GPATCH8: variants seen among roughly 807,000 people sequenced by gnomAD.
The protein encoded by GPATCH8 is G patch domain-containing protein 8.
In GPATCH8, 18 loss-of-function variants were observed where a neutral mutation model predicts 118.3. That is an observed-to-expected ratio of 0.15 (90% confidence interval 0.11 to 0.23). The LOEUF (loss-of-function observed/expected upper bound fraction) is 0.23. Ranked by LOEUF, GPATCH8 falls within the 10% of genes least tolerant of loss-of-function variation. GPATCH8 has a pLI of 1.00. For missense variants in GPATCH8, 1,631 were observed against 1,873.8 expected (o/e 0.87, Z 2.39); for synonymous variants, 659 against 684.7 (o/e 0.96, Z 0.59).
At chr17:44,416,505 T>G (rs1469069131) in intron 6 of GPATCH8, among the ~76,000 whole-genome samples, 3 of 152,254 alleles carry the variant, frequency 2.0e-5, no homozygotes, top group East Asian at 1.9e-4. Context: ...GAAAATGGTA[T>G]GAACAGTGGT....
chr17:44,427,102 G>A (rs536086741), intron 5 of GPATCH8, among the ~76,000 whole-genome samples: 65 of 150,102 alleles, frequency 4.3e-4, no homozygotes, highest in South Asian at 1.3e-3. Flanking sequence ...TTGAGACAGC[G>A]TCTTGCTCTA....
intron 6 of GPATCH8, among the ~76,000 whole-genome samples, chr17:44,420,041 T>A (rs910337687): frequency 6.6e-6 from 1 of 151,562 alleles, no homozygotes; most frequent in East Asian, 1.9e-4. Context: ...CTACATGGTT[T>A]TTTTTTTTTT....
At chr17:44,490,799 G>A (rs1969187921) in intron 1 of GPATCH8, among the ~76,000 whole-genome samples, 1 of 152,146 alleles carries the variant, frequency 6.6e-6, no homozygotes, top group African/African-American at 2.4e-5. Flanking sequence ...TGCTCTGCAT[G>A]TTATTAAAAT....
At chr17:44,503,296 C>A in intron 1 of GPATCH8, 30 bp downstream of exon 1, 1 of 1,592,864 alleles carries the variant, frequency 6.3e-7, no homozygotes, top group South Asian at 1.1e-5. Flanking sequence ...CCAGCGCCTT[C>A]CCCGCATCCT....
At chr17:44,444,823 T>C (rs1218159678) in intron 3 of GPATCH8, among the ~76,000 whole-genome samples, 1 of 152,208 alleles carries the variant, frequency 6.6e-6, no homozygotes, top group Non-Finnish European at 1.5e-5. Flanking sequence ...GTTTTACTTA[T>C]GTTTATATCC....
At chr17:44,501,234 C>G (rs1004867056) in intron 1 of GPATCH8, among the ~76,000 whole-genome samples, 3 of 151,864 alleles carry the variant, frequency 2.0e-5, no homozygotes, top group African/African-American at 7.3e-5. Context: ...CTGGCCAATA[C>G]GGTGAAACCC....
chr17:44,499,795 T>C (rs775040432), intron 1 of GPATCH8, among the ~76,000 whole-genome samples: 6 of 151,948 alleles, frequency 3.9e-5, no homozygotes, highest in Non-Finnish European at 5.9e-5. Context: ...AGAAGTAATA[T>C]CTCATTCAGA....
At chr17:44,444,704 C>G (rs2050813966) in intron 3 of GPATCH8, among the ~76,000 whole-genome samples, 1 of 151,214 alleles carries the variant, frequency 6.6e-6, no homozygotes, top group Non-Finnish European at 1.5e-5. Flanking sequence ...AACTGGGAGG[C>G]AGAAGTTGCA....
At chr17:44,496,502 AACTTCATGAGATGAG>A (rs1350395110) in intron 1 of GPATCH8, among the ~76,000 whole-genome samples, 1 of 152,220 alleles carries the variant, frequency 6.6e-6, no homozygotes, top group Non-Finnish European at 1.5e-5. Context: ...AAACAACTGG[AACTTCATGAGATGAG>A]ACCAAATGCG....
intron 3 of GPATCH8, among the ~76,000 whole-genome samples, chr17:44,455,167 A>T (rs2051279527): frequency 6.6e-6 from 1 of 152,226 alleles, no homozygotes; most frequent in Admixed American, 6.5e-5. Context: ...TTTGAATGGC[A>T]GACCCTCGGT....
At chr17:44,482,536 T>C (rs1203476785) in intron 1 of GPATCH8, among the ~76,000 whole-genome samples, 1 of 141,546 alleles carries the variant, frequency 7.1e-6, no homozygotes, top group Admixed American at 7.5e-5. Context: ...ATCACACCAC[T>C]GCACTTCAGC....
rs577671455 is a variant in GPATCH8, at chr17:44,484,968, T to C, written c.46-10065A>G. Among the ~76,000 whole-genome samples the C allele has an allele frequency of 5.9e-5, 9 of 151,354 alleles. No individual in the cohort carries two copies. In the South Asian group the frequency reaches 1.0e-3, roughly 18 times the overall value. Reference sequence around the variant, plus strand: ...CTGAGACCACAGGCACATGCCACCATGCCTGGCTACATTTTTTTGTATTTT... The same window carrying C: ...CTGAGACCACAGGCACATGCCACCACGCCTGGCTACATTTTTTTGTATTTT... On this transcript the variant is annotated intron_variant, in intron 1 of 7. Transcript: ENST00000591680.
chr17:44,499,388 T>C (rs1257756035), intron 1 of GPATCH8, among the ~76,000 whole-genome samples: 3 of 152,324 alleles, frequency 2.0e-5, no homozygotes, highest in Non-Finnish European at 2.9e-5. Flanking sequence ...GAGAATCACT[T>C]GAACCCGGGA....
intron 6 of GPATCH8, among the ~76,000 whole-genome samples, chr17:44,418,907 T>A (rs1039567498): frequency 6.6e-6 from 1 of 152,216 alleles, no homozygotes; most frequent in Non-Finnish European, 1.5e-5. Context: ...GTTAAACTAC[T>A]GAAAAGAGCC....
intron 1 of GPATCH8, chr17:44,486,645 T>C (rs1379584189): frequency 6.6e-6 from 1 of 152,152 alleles, no homozygotes; most frequent in African/African-American, 2.4e-5. Flanking sequence ...TAAACACAAA[T>C]AATACAAATG....
At chr17:44,406,508 G>GGGTGT (rs1555622781) in intron 6 of GPATCH8, among the ~76,000 whole-genome samples, 1 of 94,312 alleles carries the variant, frequency 1.1e-5, no homozygotes, top group Non-Finnish European at 2.0e-5. Flanking sequence ...GGGGGGGGGG[G>GGGTGT]TTATTTAAAT....
In GPATCH8 at chr17:44,399,712, C is replaced by T; in HGVS notation, c.2365G>A (p.Glu789Lys). ...QDHGGRKHKG[E>K]LPPSSCQRRA... ...CGCTGGCAGGATGAAGGTGGAAGTT[C>T]ACCTTTGTGTTTCCTCCCACCATGG... is the stretch of plus-strand genomic sequence containing the variant. The change falls in exon 8 of 8, where the codon GAA (glutamate) becomes AAA (lysine). Residue 789 changes from glutamate (E) to lysine (K), a missense_variant. By Grantham distance (56) the Glu-to-Lys change is moderately conservative. Transcript: ENST00000591680. 6.2e-7 allele frequency: 1 copy of T among 1,614,108 alleles called. No homozygotes were observed. Among genetic ancestry groups the T allele is most frequent in the Non-Finnish European group, 8.5e-7 (1 of 1,179,986 alleles).
chr17:44,405,954 T>C lies in GPATCH8; in HGVS notation c.590A>G (p.His197Arg), dbSNP rs765400222. 2.5e-6 allele frequency: 4 copies of C among 1,612,706 alleles called. No individual in the cohort carries two copies. The highest frequency in any genetic ancestry group is 4.5e-5 in the East Asian group (2 of 44,868). The change falls in exon 7 of 8, where the codon CAT becomes CGT. Residue 197 changes from histidine (H) to arginine (R), a missense_variant. By Grantham distance (29) the His-to-Arg change is conservative. Around this residue, in one of 8 missense-constraint regions of GPATCH8, gnomAD observed 81 missense variants for 227.6 expected, o/e 0.36. Coordinates refer to ENST00000591680, the MANE Select transcript of GPATCH8 (RefSeq NM_001002909.4). ...KKQEKALRRLHELAEQRKQAE... is the reference protein window; with the variant it reads ...KKQEKALRRLRELAEQRKQAE... Reference sequence around the variant, plus strand: ...TTGTTTTCTTTGCTCTGCCAACTCATGGAGCCGCCGAAGGGCTTTTTCCTG... The same window carrying C: ...TTGTTTTCTTTGCTCTGCCAACTCACGGAGCCGCCGAAGGGCTTTTTCCTG...
intron 3 of GPATCH8, among the ~76,000 whole-genome samples, chr17:44,448,650 A>G (rs1286475879): frequency 1.3e-5 from 2 of 151,508 alleles, no homozygotes; most frequent in Non-Finnish European, 2.9e-5. Context: ...CTTCCTGGAC[A>G]CTCCACTCTC....
Sources: allele counts gnomAD v4.1 joint callset (sites outside exome capture counted in the v4.1 genomes callset), GRCh38; gene constraint gnomAD v4.1.1; regional missense constraint gnomAD v4.1.1; transcripts MANE v1.5; gene names NCBI Gene and HGNC (gene_info 2026-07-23, HGNC 2026-07-21).